The following HYCC2 variants were observed in gnomAD, a reference collection of about 807,000 sequenced individuals.
HYCC2 encodes the protein hyccin PI4KA lipid kinase complex subunit 2, also known as hyccin 2.
At chr2:201,009,931 A>G in the HYCC2 span, among the ~76,000 whole-genome samples, 2 of 151,770 alleles carry the variant, frequency 1.3e-5, no homozygotes, top group East Asian at 2.0e-4. Flanking sequence ...GTGAAACCCC[A>G]TCTGCACTAA....
the HYCC2 span, among the ~76,000 whole-genome samples, chr2:201,047,133 G>A: frequency 5.3e-4 from 81 of 152,106 alleles, no homozygotes; most frequent in African/African-American, 1.9e-3. Context: ...AAGCACTCTA[G>A]AACCGAAAAA....
chr2:201,040,458 TG>T, the HYCC2 span, among the ~76,000 whole-genome samples: 25 of 151,280 alleles, frequency 1.7e-4, no homozygotes, highest in African/African-American at 4.6e-4. Flanking sequence ...TTATTGCTTT[TG>T]TTTTTTTTTT....
the HYCC2 span, among the ~76,000 whole-genome samples, chr2:201,059,000 TTCC>T: frequency 2.0e-5 from 3 of 152,200 alleles, no homozygotes; most frequent in South Asian, 6.2e-4. Context: ...AGAGAGTCAG[TTCC>T]TCCTGCCTAA....
the HYCC2 span, chr2:200,981,417 G>A: frequency 6.2e-7 from 1 of 1,614,114 alleles, no homozygotes; most frequent in Admixed American, 1.7e-5. This position sits in a 1 kb window ranked among gnomAD's most constrained non-coding sequence, Gnocchi z 4.5. Context: ...GATTAGCATT[G>A]TTGGCTGCTA....
At chr2:201,052,244 C>T in the HYCC2 span, 1 of 153,210 alleles carries the variant, frequency 6.5e-6, no homozygotes, top group Non-Finnish European at 1.5e-5. Flanking sequence ...CTGCAGTGAG[C>T]CGAGATCACG....
chr2:201,030,512 T>C, the HYCC2 span, among the ~76,000 whole-genome samples: 1 of 152,104 alleles, frequency 6.6e-6, no homozygotes, highest in African/African-American at 2.4e-5. Flanking sequence ...TCACATCATA[T>C]ATAGTGTTCT....
At chr2:201,009,960 CG>C in the HYCC2 span, among the ~76,000 whole-genome samples, 1 of 151,632 alleles carries the variant, frequency 6.6e-6, no homozygotes, top group Admixed American at 6.6e-5. Flanking sequence ...AAAAATTAGC[CG>C]GGCGTGGTGG....
At chr2:200,975,074 C>T in the HYCC2 span, 1 of 151,780 alleles carries the variant, frequency 6.6e-6, no homozygotes. Context: ...TTTAAGGAGA[C>T]CAGAAACTGT....
chr2:201,032,121 C>T, the HYCC2 span, among the ~76,000 whole-genome samples: 1 of 151,950 alleles, frequency 6.6e-6, no homozygotes, highest in African/African-American at 2.4e-5. Context: ...CCACCATGCC[C>T]GGCTAATTTT....
At chr2:201,024,255 C>T in the HYCC2 span, among the ~76,000 whole-genome samples, 3 of 152,042 alleles carry the variant, frequency 2.0e-5, no homozygotes, top group Non-Finnish European at 2.9e-5. Flanking sequence ...TTTGGGAAGC[C>T]GAGGTAGGAG....
chr2:201,029,448 T>C, the HYCC2 span, among the ~76,000 whole-genome samples: 1 of 152,210 alleles, frequency 6.6e-6, no homozygotes, highest in Non-Finnish European at 1.5e-5. Flanking sequence ...CAAAAGATTA[T>C]AAATCATGCT....
chr2:201,036,140 T>G, the HYCC2 span, among the ~76,000 whole-genome samples: 1 of 152,186 alleles, frequency 6.6e-6, no homozygotes, highest in South Asian at 2.1e-4. Context: ...CTAGAAAATC[T>G]AGAAGAAATG....
chr2:201,056,060 G>T, the HYCC2 span, among the ~76,000 whole-genome samples: 943 of 152,176 alleles, frequency 6.2e-3, 6 homozygotes, highest in African/African-American at 0.021. Context: ...GGTGGCAGGC[G>T]CCTGTAGCCT....
chr2:201,056,111 A>ATGAACCTGGGAGG, the HYCC2 span, among the ~76,000 whole-genome samples: 3 of 151,054 alleles, frequency 2.0e-5, no homozygotes, highest in African/African-American at 7.3e-5. Context: ...GGAGAATGGC[A>ATGAACCTGGGAGG]TGAACCTGGG....
the HYCC2 span, among the ~76,000 whole-genome samples, chr2:201,042,635 T>C: frequency 6.9e-6 from 1 of 145,190 alleles, no homozygotes; most frequent in East Asian, 2.1e-4. Flanking sequence ...CCCCTCCGCC[T>C]GGCAGCCGCC....
the HYCC2 span, among the ~76,000 whole-genome samples, chr2:201,043,354 G>C: frequency 6.7e-6 from 1 of 148,778 alleles, no homozygotes; most frequent in African/African-American, 2.5e-5. Flanking sequence ...TTTATCTGCT[G>C]ACCTTCCCTC....
chr2:200,979,778 C>T, the HYCC2 span: 1 of 152,590 alleles, frequency 6.6e-6, no homozygotes, highest in East Asian at 1.9e-4. Flanking sequence ...AATATATTCC[C>T]TTCTTTTTCA....
At chr2:201,003,188 G>A in the HYCC2 span, among the ~76,000 whole-genome samples, 438 of 152,238 alleles carry the variant, frequency 2.9e-3, 3 homozygotes, top group African/African-American at 0.01. Context: ...TCGGCCTCCA[G>A]AGTACCTAGG....
chr2:200,979,376 T>C, the HYCC2 span: 1 of 152,438 alleles, frequency 6.6e-6, no homozygotes, highest in South Asian at 2.1e-4. Flanking sequence ...TAGATACTAG[T>C]TCAGGTTCTA....
Sources: allele counts gnomAD v4.1 joint callset (sites outside exome capture counted in the v4.1 genomes callset), GRCh38; gene constraint gnomAD v4.1.1; non-coding constraint Gnocchi (gnomAD v3.1); transcripts MANE v1.5; gene names NCBI Gene and HGNC (gene_info 2026-07-23, HGNC 2026-07-21).